Variants in CCNP observed in about 807,000 individuals in gnomAD.
The protein encoded by CCNP is cyclin P, also known as cyclin-P.
In CCNP, 18 loss-of-function variants were observed where a neutral mutation model predicts 19.6. The ratio of observed to expected loss-of-function variants is 0.92; its 90% confidence interval spans 0.64 to 1.36. The LOEUF (loss-of-function observed/expected upper bound fraction) is 1.36, where lower values mean the gene tolerates loss of function less well. CCNP is among the 40% of genes most tolerant of loss of function. The probability of loss-of-function intolerance (pLI) is 0.00; values close to 1 mark genes in which losing one functional copy is unlikely to be tolerated. For missense variants in CCNP, 440 were observed against 424.4 expected (o/e 1.04, Z -0.32); for synonymous variants, 228 against 194.9 (o/e 1.17, Z -1.41).
chr19:40,224,701 C>A, intron 2 of CCNP, 21 bp downstream of exon 2: 3 of 1,602,798 alleles, frequency 1.9e-6, no homozygotes, highest in Non-Finnish European at 2.6e-6. Flanking sequence ...CTCAGCCCCC[C>A]ACACCCTTCC....
chr19:40,223,756 G>T, intron 3 of CCNP: 1 of 665,290 alleles, frequency 1.5e-6, no homozygotes, highest in Non-Finnish European at 2.7e-6. Flanking sequence ...TCTGCTCACT[G>T]TGTGACATAG....
In CCNP at chr19:40,223,527, A is replaced by T. The variant is rs759266233; in HGVS notation, c.533T>A (p.Leu178Gln). The T allele has an allele frequency of 2.9e-5, 47 of 1,600,612 alleles. No individual in the cohort carries two copies. The highest frequency in any genetic ancestry group is 3.8e-5 in the Non-Finnish European group (44 of 1,171,080). Residue 178 changes from leucine to glutamine, a missense_variant, in exon 4 of 5, where the codon CTG becomes CAG. Coordinates refer to ENST00000430325, the MANE Select transcript of CCNP (RefSeq NM_024877.4). ...VLPEPAFLCLLSADSFSRAEL... is the reference protein window; with the variant it reads ...VLPEPAFLCLQSADSFSRAEL... ...CGCCCGTGAGAAGGAGTCCGCGCTC[A>T]GGAGGCAGAGGAAGGCGGGCTGCAG...
rs183978011 is a variant in CCNP at position 40,222,872 on chromosome 19, T to A, written c.*180A>T. 26 of 534,804 alleles carry A rather than the reference T, an allele frequency of 4.9e-5. No individual in the cohort carries two copies. In the East Asian group the frequency reaches 7.7e-4, roughly 16 times the overall value. 33.1% of individuals were successfully genotyped at this position (534,804 alleles called of 1,614,324 possible). ...ACCACCAGATACAGAGATGGAGGAC[T>A]CGAGGCCTGGGTGATCCTTCGTTCT... On this transcript the variant is annotated 3_prime_UTR_variant, in exon 5 of 5. Transcript: ENST00000430325.
In CCNP at chr19:40,223,008, C is replaced by T. The variant is rs750021986; in HGVS notation, c.*44G>A. The T allele has an allele frequency of 8.4e-7, 1 of 1,187,112 alleles. No individual in the cohort carries two copies. Among genetic ancestry groups the T allele is most frequent in the South Asian group, 1.5e-5 (1 of 68,596 alleles). 73.5% of individuals were successfully genotyped at this position (1,187,112 alleles called of 1,614,324 possible). A position where few individuals can be genotyped will look rare whatever the true frequency, so the allele number is the denominator to read the frequency against. On this transcript the variant is annotated 3_prime_UTR_variant, in exon 5 of 5. Transcript: ENST00000430325. Reference sequence around the variant, plus strand: ...ACTAATGGGGTCCTCCCACCCCATTCTCTCCCACACCCAGAAAAATCAAGT... The same window carrying T: ...ACTAATGGGGTCCTCCCACCCCATTTTCTCCCACACCCAGAAAAATCAAGT...
At position 40,223,089 on chromosome 19, in the gene CCNP, G is replaced by C; in HGVS notation, c.887C>G (p.Ser296Ter). Residue 296 changes from serine (S) to a stop codon, truncating the protein, a stop_gained, in exon 5 of 5, where the codon TCA becomes TGA. Coordinates refer to ENST00000430325, the MANE Select transcript of CCNP (RefSeq NM_024877.4). LOFTEE classifies it low-confidence loss of function (END_TRUNC). ...TCTCATTCTCCGAGACCGTAAAAAT[G>C]ACCAGGAAGGTAAGTCCCTGAAGCT... ...HRSFRDLPSW[S>*]FLRSRRMRDN... The C allele has an allele frequency of 6.5e-7, 1 of 1,548,380 alleles. No homozygotes were observed. Among genetic ancestry groups the C allele is most frequent in the Non-Finnish European group, 8.7e-7 (1 of 1,144,670 alleles).
chr19:40,224,420 A>G, intron 3 of CCNP, 68 bp downstream of exon 3: 7 of 1,540,050 alleles, frequency 4.5e-6, no homozygotes, highest in Non-Finnish European at 6.2e-6. Flanking sequence ...CTTGGCACAC[A>G]GTAGTCACTG....
rs1013512720 is a variant in CCNP, at chr19:40,223,081, G to C, written c.895C>G (p.Arg299Gly). ...TAATTGTCTCTCATTCTCCGAGACC[G>C]TAAAAATGACCAGGAAGGTAAGTCC... ...FRDLPSWSFLRSRRMRDNY is the reference protein window; with the variant it reads ...FRDLPSWSFLGSRRMRDNY The change falls in exon 5 of 5, where the codon CGG becomes GGG. Residue 299 changes from arginine (R) to glycine (G), a missense_variant. By Grantham distance (125) the Arg-to-Gly change is moderately radical (BLOSUM62 -2). Coordinates refer to ENST00000430325, the MANE Select transcript of CCNP (RefSeq NM_024877.4). 1.9e-6 allele frequency: 3 copies of C among 1,545,334 alleles called. No homozygotes were observed. Among genetic ancestry groups the C allele is most frequent in the Admixed American group, 4.0e-5 (2 of 50,440 alleles).
rs143233633 is a variant in CCNP, at chr19:40,224,605, C to T, written c.396G>A (p.Ala132=). The change falls in exon 3 of 5, where the codon GCG becomes GCA. Residue 132 remains alanine, a synonymous_variant. Coordinates refer to ENST00000430325, the MANE Select transcript of CCNP (RefSeq NM_024877.4). ...TCAGGTAGGAATCAAGCAGGTGAACCGCCAGATAAAGTGTGTCACCAGCCA... is the reference window on the plus strand; with the variant it reads ...TCAGGTAGGAATCAAGCAGGTGAACTGCCAGATAAAGTGTGTCACCAGCCA... ...LGLAGDTLYL[A]VHLLDSYLSA... The T allele has an allele frequency of 7.4e-5, 120 of 1,614,240 alleles. No homozygotes were observed. Among genetic ancestry groups the T allele is most frequent in the Non-Finnish European group, 9.4e-5 (111 of 1,180,040 alleles).
chr19:40,222,986 A>T lies in CCNP; in HGVS notation c.*66T>A. 1.1e-6 allele frequency: 1 copy of T among 916,396 alleles called. No homozygotes were observed. Among genetic ancestry groups the T allele is most frequent in the Non-Finnish European group, 1.7e-6 (1 of 601,266 alleles). 56.8% of individuals were successfully genotyped at this position (916,396 alleles called of 1,614,324 possible). Reference sequence around the variant, plus strand: ...GGTTAAGAGACCCCAGATCTGGACTAATGGGGTCCTCCCACCCCATTCTCT... The same window carrying T: ...GGTTAAGAGACCCCAGATCTGGACTTATGGGGTCCTCCCACCCCATTCTCT... On this transcript the variant is annotated 3_prime_UTR_variant, in exon 5 of 5. Coordinates refer to ENST00000430325, the MANE Select transcript of CCNP (RefSeq NM_024877.4).
At position 40,222,402 on chromosome 19, in the gene CCNP, C is replaced by G. The variant is rs1006506193; in HGVS notation, c.*650G>C. 2 of 398,478 alleles carry G rather than the reference C, an allele frequency of 5.0e-6. No homozygotes were observed. The highest frequency in any genetic ancestry group is 3.6e-5 in the East Asian group (1 of 28,068). 24.7% of individuals were successfully genotyped at this position (398,478 alleles called of 1,614,324 possible). ...CGCGCATACTTGAGGAAGACTGCGG[C>G]GCGACCCGGCGCGGGACCTCGGAGC... On this transcript the variant is annotated 3_prime_UTR_variant, in exon 5 of 5. Transcript: ENST00000430325.
chr19:40,224,357 A>C (rs1477891258), intron 3 of CCNP, 131 bp downstream of exon 3: 1 of 992,944 alleles, frequency 1.0e-6, no homozygotes, highest in African/African-American at 1.6e-5. Flanking sequence ...TTTAAGGGAC[A>C]CATTGACAGC....
At position 40,224,802 on chromosome 19, in the gene CCNP, C is replaced by A; in HGVS notation, c.277G>T (p.Val93Leu). ...CGGGGCAGGGCTCTCAGGGGCAGCA[C>A]GCGGCACACCTGGGGTTGGGGCAGG... ...DIFAEVMVCR[V>L]LPLRALPRAV... Residue 93 changes from valine to leucine, a missense_variant, in exon 2 of 5, where the codon GTG becomes TTG. By Grantham distance (32) the Val-to-Leu change is conservative (BLOSUM62 1). Transcript: ENST00000430325. 1 of 1,552,316 alleles carries A rather than the reference C, an allele frequency of 6.4e-7. No individual in the cohort carries two copies. Among genetic ancestry groups the A allele is most frequent in the Non-Finnish European group, 8.7e-7 (1 of 1,147,334 alleles).
Position 40,222,696 on chromosome 19 carries a change from G to A in CCNP, c.*356C>T, listed in dbSNP as rs1435286950. 11 of 403,742 alleles carry A rather than the reference G, an allele frequency of 2.7e-5. No individual in the cohort carries two copies. The highest frequency in any genetic ancestry group is 3.6e-5 in the East Asian group (1 of 28,070). The allele number at this position is 403,742 out of a possible 1,614,324, so 25.0% of individuals were successfully genotyped here. On this transcript the variant is annotated 3_prime_UTR_variant, in exon 5 of 5. Transcript: ENST00000430325. ...TCTTCCTACAGGGCGCGGCTAGTGC[G>A]GAGTCAGAACACTCGAGGAAGCAAG...
At chr19:40,225,248 G>A (rs1278496773) in intron 1 of CCNP, among the ~76,000 whole-genome samples, 8 of 151,748 alleles carry the variant, frequency 5.3e-5, no homozygotes, top group Non-Finnish European at 1.0e-4. Flanking sequence ...TTGTAGAGAC[G>A]GGGTTTCACC....
intron 4 of CCNP, 42 bp downstream of exon 4, chr19:40,223,346 G>T (rs45582332): frequency 6.7e-7 from 1 of 1,490,920 alleles, no homozygotes; most frequent in Non-Finnish European, 9.0e-7. Flanking sequence ...GCCCCACTTC[G>T]CGCCGGCCAC....
intron 1 of CCNP, chr19:40,225,034 G>C (rs546866752): frequency 4.9e-5 from 27 of 555,022 alleles, no homozygotes; most frequent in Middle Eastern, 4.7e-4. Flanking sequence ...GGACTCCTGG[G>C]CGTCTCCCTC....
chr19:40,224,558 T>G lies in CCNP; in HGVS notation c.443A>C (p.His148Pro), dbSNP rs1568501683. The G allele has an allele frequency of 5.0e-6, 8 of 1,614,202 alleles. No homozygotes were observed. Among genetic ancestry groups the G allele is most frequent in the Non-Finnish European group, 6.8e-6 (8 of 1,180,038 alleles). Residue 148 changes from histidine (H) to proline (P), a missense_variant, in exon 3 of 5, where the codon CAT becomes CCT. By Grantham distance (77) the His-to-Pro change is moderately conservative (BLOSUM62 -2). Coordinates refer to ENST00000430325, the MANE Select transcript of CCNP (RefSeq NM_024877.4). ...SYLSAGRVRLHRLQLLGVACL... is the reference protein window; with the variant it reads ...SYLSAGRVRLPRLQLLGVACL... ...AGCCACGCCCAGCAGCTGCAGGCGA[T>G]GTAGACGCACGCGGCCAGCGCTCAG... is the stretch of plus-strand genomic sequence containing the variant.
Position 40,222,345 on chromosome 19 carries a change from C to G in CCNP, c.*707G>C, listed in dbSNP as rs1187078819. 2.5e-6 allele frequency: 1 copy of G among 398,928 alleles called. No individual in the cohort carries two copies. The highest frequency in any genetic ancestry group is 4.4e-6 in the Non-Finnish European group (1 of 226,090). The allele number at this position is 398,928 out of a possible 1,614,324, so 24.7% of individuals were successfully genotyped here. A position where few individuals can be genotyped will look rare whatever the true frequency, so the allele number is the denominator to read the frequency against. Reference sequence around the variant, plus strand: ...GACTGGAGGCGGCGGAGCAGGCAGGCGGCGGCAAGGCTGGTCCCCTGGCGC... The same window carrying G: ...GACTGGAGGCGGCGGAGCAGGCAGGGGGCGGCAAGGCTGGTCCCCTGGCGC... On this transcript the variant is annotated 3_prime_UTR_variant, in exon 5 of 5. Coordinates refer to ENST00000430325, the MANE Select transcript of CCNP (RefSeq NM_024877.4).
At chr19:40,223,711 G>T (rs1973493979) in intron 3 of CCNP, 165 bp from the exon 4 acceptor site, 1 of 925,756 alleles carries the variant, frequency 1.1e-6, no homozygotes, top group East Asian at 2.4e-5. Flanking sequence ...GAGGGTCCTG[G>T]GTTCAAGACC....
Sources: allele counts gnomAD v4.1 joint callset (sites outside exome capture counted in the v4.1 genomes callset), GRCh38; gene constraint gnomAD v4.1.1; transcripts MANE v1.5; gene names NCBI Gene and HGNC (gene_info 2026-07-23, HGNC 2026-07-21).